The following TMEM150C variants were observed in gnomAD, a reference collection of about 807,000 sequenced individuals.
TMEM150C encodes the protein tentonin 3.
TMEM150C carries 10 observed loss-of-function variants against 29.9 expected under a neutral mutation model. The observed-to-expected ratio is 0.33, with a 90% CI of 0.21 to 0.57. The LOEUF is 0.57. Ranked by LOEUF, TMEM150C falls within the 20% of genes least tolerant of loss-of-function variation. The pLI is 0.88. For synonymous variants in TMEM150C, 101 were observed against 112.5 expected (o/e 0.90, Z 0.64); for missense variants, 251 against 303.6 (o/e 0.83, Z 1.29).
chr4:82,512,648 CAT>C (rs922726932), intron 1 of TMEM150C, among the ~76,000 whole-genome samples: 5 of 152,148 alleles, frequency 3.3e-5, no homozygotes, highest in African/African-American at 7.2e-5. Flanking sequence ...CCAATTGTCA[CAT>C]GTCTAAAATT....
At position 82,503,023 on chromosome 4, in the gene TMEM150C, T is replaced by C. The variant is rs777418409; in HGVS notation, c.134+36A>G. On this transcript the variant is annotated intron_variant, in intron 3 of 7. Coordinates refer to ENST00000449862, the MANE Select transcript of TMEM150C (RefSeq NM_001080506.3). ...AGTGGGAAAGTTTTTGCTAAATCTCTTGATGAACAACGAATTACCCACAGA... is the reference window on the plus strand; with the variant it reads ...AGTGGGAAAGTTTTTGCTAAATCTCCTGATGAACAACGAATTACCCACAGA... 4.3e-6 allele frequency: 7 copies of C among 1,609,788 alleles called. No individual in the cohort carries two copies. In the Admixed American group the frequency reaches 1.0e-4, roughly 23 times the overall value.
At chr4:82,506,950 C>A (rs1038012016) in intron 1 of TMEM150C, among the ~76,000 whole-genome samples, 3 of 152,136 alleles carry the variant, frequency 2.0e-5, no homozygotes, top group Non-Finnish European at 4.4e-5. Flanking sequence ...TGGTTCCCAA[C>A]CTCGGCTTTC....
intron 6 of TMEM150C, chr4:82,490,957 T>A (rs1578119506): frequency 1.4e-6 from 1 of 729,556 alleles, no homozygotes; most frequent in East Asian, 2.5e-5. Context: ...TAATTGGTCC[T>A]GATAGCTTCC....
intron 1 of TMEM150C, among the ~76,000 whole-genome samples, chr4:82,553,187 A>G (rs1328253690): frequency 6.6e-6 from 1 of 152,222 alleles, no homozygotes; most frequent in African/African-American, 2.4e-5. Flanking sequence ...CTGTGTACCA[A>G]TTGGACTTTA....
At chr4:82,528,786 G>A (rs1327841835) in intron 1 of TMEM150C, among the ~76,000 whole-genome samples, 1 of 151,952 alleles carries the variant, frequency 6.6e-6, no homozygotes, top group African/African-American at 2.4e-5. Flanking sequence ...AGTAAAGACG[G>A]GGTTTCACCA....
chr4:82,553,711 G>A (rs1725653989), intron 1 of TMEM150C, among the ~76,000 whole-genome samples: 1 of 152,196 alleles, frequency 6.6e-6, no homozygotes, highest in African/African-American at 2.4e-5. Flanking sequence ...CTAATAAAAA[G>A]CAACATTTCT....
intron 1 of TMEM150C, among the ~76,000 whole-genome samples, chr4:82,533,596 C>T (rs959360967): frequency 6.6e-6 from 1 of 152,154 alleles, no homozygotes; most frequent in African/African-American, 2.4e-5. Flanking sequence ...CCTTAGATCT[C>T]GTAACCAGTT....
At chr4:82,531,947 T>C (rs148653069) in intron 1 of TMEM150C, among the ~76,000 whole-genome samples, 1 of 152,060 alleles carries the variant, frequency 6.6e-6, no homozygotes, top group African/African-American at 2.4e-5. Context: ...ACTGGTGACA[T>C]TGGCATGAAA....
At chr4:82,547,859 G>A (rs1365285119) in intron 1 of TMEM150C, among the ~76,000 whole-genome samples, 2 of 152,038 alleles carry the variant, frequency 1.3e-5, no homozygotes, top group African/African-American at 4.8e-5. Context: ...TGGATATATA[G>A]CCAAAAGAAA....
At chr4:82,560,404 T>C (rs565048651) in intron 1 of TMEM150C, among the ~76,000 whole-genome samples, 1 of 152,226 alleles carries the variant, frequency 6.6e-6, no homozygotes, top group South Asian at 2.1e-4. Flanking sequence ...TTTGTGAGCT[T>C]CCAACTTGGG....
Position 82,558,105 on chromosome 4 carries a change from CT to C in TMEM150C, c.-11+3800del, listed in dbSNP as rs978084596. 9.1e-4 allele frequency among the ~76,000 whole-genome samples: 136 copies of C among 149,704 alleles called. 1 individual carries two copies. Among genetic ancestry groups the C allele is most frequent in the Middle Eastern group, 3.4e-3 (1 of 290 alleles). On this transcript the variant is annotated intron_variant, in intron 1 of 7. Transcript: ENST00000449862. ...CTGGTATTATCAATGCCAATTGCCA[CT>C]TTTTTTTTTCTAATTAAAGGATAAT...
chr4:82,560,146 A>G (rs1241309188), intron 1 of TMEM150C, among the ~76,000 whole-genome samples: 1 of 152,214 alleles, frequency 6.6e-6, no homozygotes, highest in Non-Finnish European at 1.5e-5. Context: ...CCATAGAGCA[A>G]ATTATCCCCC....
chr4:82,524,035 G>C (rs936723448), intron 1 of TMEM150C, among the ~76,000 whole-genome samples: 5 of 148,354 alleles, frequency 3.4e-5, no homozygotes, highest in African/African-American at 1.2e-4. Context: ...AAGAAGGGCA[G>C]ATCACGAGGT....
In TMEM150C at chr4:82,490,072, CAG is replaced by C. The variant is rs762592893; in HGVS notation, c.528_529del (p.Val178GlyfsTer43). ...CGTTCAAAGGATACAGAGGACCACA[CAG>C]AGAGTGATAGATGCCGACAGAATAA... is the stretch of plus-strand genomic sequence containing the variant. On this transcript the variant is annotated frameshift_variant, in exon 7 of 8. Transcript: ENST00000449862. LOFTEE classifies it high-confidence loss of function. The C allele has an allele frequency of 1.9e-6, 3 of 1,613,956 alleles. No individual in the cohort carries two copies. The highest frequency in any genetic ancestry group is 1.1e-5 in the South Asian group (1 of 91,060).
chr4:82,558,671 C>T (rs891408031), intron 1 of TMEM150C, among the ~76,000 whole-genome samples: 2 of 149,494 alleles, frequency 1.3e-5, no homozygotes, highest in African/African-American at 4.9e-5. Flanking sequence ...TTGGTGATAA[C>T]AATAACTTAA....
At chr4:82,500,615 C>T (rs1240759997) in intron 5 of TMEM150C, among the ~76,000 whole-genome samples, 1 of 152,124 alleles carries the variant, frequency 6.6e-6, no homozygotes, top group Non-Finnish European at 1.5e-5. Context: ...AAGATGATGA[C>T]AAATATCATC....
intron 1 of TMEM150C, among the ~76,000 whole-genome samples, chr4:82,541,531 AT>A (rs1725202567): frequency 1.3e-5 from 2 of 152,228 alleles, no homozygotes; most frequent in South Asian, 4.1e-4. Flanking sequence ...TTATTTCATT[AT>A]TTCTTAAATT....
At chr4:82,536,356 CAAAA>C (rs567469021) in intron 1 of TMEM150C, among the ~76,000 whole-genome samples, 1 of 80,446 alleles carries the variant, frequency 1.2e-5, no homozygotes, top group Non-Finnish European at 3.1e-5. Flanking sequence ...GACTCCATCT[CAAAA>C]AAAAAAAAAA....
intron 5 of TMEM150C, among the ~76,000 whole-genome samples, chr4:82,499,126 T>C (rs1357271876): frequency 6.6e-6 from 1 of 152,180 alleles, no homozygotes; most frequent in Non-Finnish European, 1.5e-5. Flanking sequence ...TACTAACACT[T>C]AGGTATGAAT....
Sources: allele counts gnomAD v4.1 joint callset (sites outside exome capture counted in the v4.1 genomes callset), GRCh38; gene constraint gnomAD v4.1.1; transcripts MANE v1.5; gene names NCBI Gene and HGNC (gene_info 2026-07-23, HGNC 2026-07-21).